GLIS3: variants seen among roughly 807,000 people sequenced by gnomAD.
GLIS3 encodes the protein zinc finger protein GLIS3.
A neutral mutation model predicts 78.6 loss-of-function variants in GLIS3; 53 were observed. That is an observed-to-expected ratio of 0.67 (90% CI 0.54 to 0.85). The LOEUF (loss-of-function observed/expected upper bound fraction) is 0.85. GLIS3 is among the 40% of genes least tolerant of loss of function. The pLI is 0.00. For missense variants in GLIS3, 1,703 were observed against 1,231.1 expected (o/e 1.38, Z -5.74); for synonymous variants, 684 against 509.9 (o/e 1.34, Z -4.60).
At chr9:4,030,479 G>A (rs1823739030) in intron 4 of GLIS3, among the ~76,000 whole-genome samples, 1 of 152,132 alleles carries the variant, frequency 6.6e-6, no homozygotes. Context: ...TTGGTTGCCT[G>A]TGTTTTGTGG....
intron 2 of GLIS3, among the ~76,000 whole-genome samples, chr9:4,314,861 G>T (rs1052390900): frequency 1.3e-5 from 2 of 152,208 alleles, no homozygotes; most frequent in Non-Finnish European, 2.9e-5. Context: ...TTAAGCTCAG[G>T]GCCGGGCACC....
chr9:4,087,012 T>C (rs565251647), intron 4 of GLIS3, among the ~76,000 whole-genome samples: 1 of 152,316 alleles, frequency 6.6e-6, no homozygotes, highest in Admixed American at 6.5e-5. Flanking sequence ...GTGCTATGTG[T>C]ACATGTGGCA....
At chr9:4,248,462 G>A (rs1262260884) in intron 2 of GLIS3, among the ~76,000 whole-genome samples, 1 of 152,050 alleles carries the variant, frequency 6.6e-6, no homozygotes. Context: ...GTGTATATGT[G>A]CCACATTTTC....
At chr9:4,197,089 C>G (rs951822302) in intron 2 of GLIS3, among the ~76,000 whole-genome samples, 1 of 152,142 alleles carries the variant, frequency 6.6e-6, no homozygotes, top group African/African-American at 2.4e-5. Context: ...CCCTCCTAGC[C>G]TATATCAGCA....
At chr9:4,156,987 G>C (rs996982973) in intron 2 of GLIS3, among the ~76,000 whole-genome samples, 1 of 152,054 alleles carries the variant, frequency 6.6e-6, no homozygotes, top group Non-Finnish European at 1.5e-5. Context: ...CAACCCATTG[G>C]CATTTTCAAC....
chr9:4,320,329 A>G (rs1484770706), intron 2 of GLIS3, among the ~76,000 whole-genome samples: 2 of 152,104 alleles, frequency 1.3e-5, no homozygotes, highest in African/African-American at 2.4e-5. Context: ...GGAAAGTAAG[A>G]CCATCACCTC....
chr9:4,099,191 C>T (rs140953360), intron 4 of GLIS3, among the ~76,000 whole-genome samples: 110 of 152,280 alleles, frequency 7.2e-4, no homozygotes, highest in Non-Finnish European at 9.7e-4. Flanking sequence ...AGCATCACAA[C>T]CTTAAAATAA....
the GLIS3 span, among the ~76,000 whole-genome samples, chr9:4,359,897 G>C: frequency 6.6e-6 from 1 of 151,670 alleles, no homozygotes; most frequent in African/African-American, 2.4e-5. Flanking sequence ...TGAATGTTAA[G>C]TATATAACAT....
chr9:4,082,353 G>A (rs372073287), intron 4 of GLIS3, among the ~76,000 whole-genome samples: 3 of 152,112 alleles, frequency 2.0e-5, no homozygotes. Flanking sequence ...AAGATAGAAC[G>A]AAGGAAAGGG....
At chr9:4,011,324 A>G (rs1191181218) in intron 4 of GLIS3, among the ~76,000 whole-genome samples, 3 of 152,214 alleles carry the variant, frequency 2.0e-5, no homozygotes, top group Non-Finnish European at 4.4e-5. Flanking sequence ...TAAGAAGCAG[A>G]GTCTCTGTCC....
intron 2 of GLIS3, among the ~76,000 whole-genome samples, chr9:4,153,400 C>T (rs969991777): frequency 1.4e-4 from 22 of 152,106 alleles, no homozygotes; most frequent in Non-Finnish European, 4.4e-5. Flanking sequence ...CCTGTCTCCA[C>T]TAAAAATACA....
chr9:4,353,631 A>C, the GLIS3 span, among the ~76,000 whole-genome samples: 2 of 152,276 alleles, frequency 1.3e-5, no homozygotes, highest in South Asian at 2.1e-4. Context: ...GAAGTTACCC[A>C]AAACGGGCCG....
upstream of GLIS3, among the ~76,000 whole-genome samples, chr9:4,300,952 A>G (rs1817045215): frequency 6.6e-6 from 1 of 152,074 alleles, no homozygotes; most frequent in Non-Finnish European, 1.5e-5. Flanking sequence ...TTAGAATTTC[A>G]CAAGTCCTTA....
chr9:4,395,505 T>G, the GLIS3 span, among the ~76,000 whole-genome samples: 37 of 152,282 alleles, frequency 2.4e-4, no homozygotes, highest in Middle Eastern at 3.4e-3. Context: ...ATGCTCTAGC[T>G]GAAGAAGAAG....
In GLIS3 at chr9:4,118,325, C is replaced by A. The variant is rs1465576344; in HGVS notation, c.1153G>T (p.Gly385Cys). The A allele has an allele frequency of 6.4e-7, 1 of 1,574,300 alleles. No individual in the cohort carries two copies. The highest frequency in any genetic ancestry group is 2.3e-5 in the East Asian group (1 of 42,792). ...TCGTGCTCCAGGGCCCCGTCCTCGC[C>A]GTAGGCCGGCAGCGCCAGGCCTCCA... ...APGGLALPAY[G>C]EDGALEHERM... Residue 385 changes from glycine (G) to cysteine (C), a missense_variant, in exon 4 of 11, where the codon GGC becomes TGC. Physicochemically the swap from Gly to Cys is radical, Grantham distance 159 (BLOSUM62 -3). Coordinates refer to ENST00000381971, the MANE Select transcript of GLIS3 (RefSeq NM_001042413.2). This position sits in a 1 kb window ranked among gnomAD's most constrained non-coding sequence, Gnocchi z 4.7.
the GLIS3 span, among the ~76,000 whole-genome samples, chr9:4,368,402 T>C: frequency 2.7e-5 from 4 of 150,848 alleles, no homozygotes; most frequent in African/African-American, 7.3e-5. Flanking sequence ...TGGAGTGTAG[T>C]GGCACAATCT....
chr9:4,429,129 C>T, the GLIS3 span, among the ~76,000 whole-genome samples: 3 of 152,144 alleles, frequency 2.0e-5, no homozygotes, highest in African/African-American at 7.2e-5. Flanking sequence ...TAGCATTCAA[C>T]CTAATATTTC....
At chr9:4,471,346 A>T in the GLIS3 span, among the ~76,000 whole-genome samples, 1 of 152,104 alleles carries the variant, frequency 6.6e-6, no homozygotes, top group Non-Finnish European at 1.5e-5. Flanking sequence ...CGTTATGTAA[A>T]TTCAAACTAT....
the GLIS3 span, among the ~76,000 whole-genome samples, chr9:4,359,966 G>C: frequency 3.4e-4 from 51 of 151,150 alleles, no homozygotes; most frequent in African/African-American, 1.2e-3. Flanking sequence ...ATATTTACAA[G>C]TGTGTTTATA....
Sources: gnomAD v4.1 joint callset for allele counts (sites outside exome capture counted in the v4.1 genomes callset) on GRCh38, gnomAD v4.1.1 for gene constraint, Gnocchi (gnomAD v3.1) non-coding constraint, MANE v1.5 for transcripts, NCBI Gene and HGNC (gene_info 2026-07-23, HGNC 2026-07-21) for gene names.